The following ZBED6 variants were observed in gnomAD, a reference collection of about 807,000 sequenced individuals.
ZBED6 encodes the protein zinc finger BED-type containing 6, also known as zinc finger BED domain-containing protein 6.
ZBED6 carries 40 observed loss-of-function variants against 58.4 expected under a neutral mutation model. The observed-to-expected ratio is 0.68, with a 90% CI of 0.53 to 0.89. The LOEUF (loss-of-function observed/expected upper bound fraction) is 0.89. ZBED6 is among the 40% of genes least tolerant of loss of function. The pLI is 0.00. For synonymous variants in ZBED6, 439 were observed against 350.6 expected (o/e 1.25, Z -2.82); for missense variants, 1,057 against 1,003.9 (o/e 1.05, Z -0.71).
intron 1 of ZBED6, among the ~76,000 whole-genome samples, chr1:203,804,394 C>T (rs1193900870): frequency 4.0e-5 from 6 of 151,742 alleles, no homozygotes; most frequent in Non-Finnish European, 8.8e-5. Context: ...CCTCGTGATC[C>T]GCCCGCCTCG....
chr1:203,806,130 C>A, intron 1 of ZBED6: 1 of 503,228 alleles, frequency 2.0e-6, no homozygotes. Context: ...TGATCTGGTC[C>A]TTATACTTCA....
chr1:203,830,676 G>T (rs1279847359), intron 7 of ZBED6, among the ~76,000 whole-genome samples: 1 of 152,014 alleles, frequency 6.6e-6, no homozygotes, highest in African/African-American at 2.4e-5. Flanking sequence ...AGGCGGGGTG[G>T]CATGCACCTG....
chr1:203,819,424 G>T (rs1040208705), intron 3 of ZBED6, among the ~76,000 whole-genome samples: 3 of 150,728 alleles, frequency 2.0e-5, no homozygotes, highest in Admixed American at 6.6e-5. Context: ...GTTTTACCAC[G>T]CAGGCCAGGC....
intron 10 of ZBED6, among the ~76,000 whole-genome samples, chr1:203,838,438 A>AC (rs1685044987): frequency 6.6e-6 from 1 of 152,234 alleles, no homozygotes; most frequent in African/African-American, 2.4e-5. Flanking sequence ...CTAAGACATG[A>AC]GTTAGAAATT....
At chr1:203,798,383 A>T (rs1395668809) in exon 1 of ZBED6, 1 of 1,534,926 alleles carries the variant, frequency 6.5e-7, no homozygotes, top group Non-Finnish European at 8.7e-7. Context: ...TGTGTAATAT[A>T]TGTAAAAGAA....
intron 15 of ZBED6, 147 bp from the exon 16 acceptor site, chr1:203,850,910 A>T: frequency 8.4e-7 from 1 of 1,196,660 alleles, no homozygotes; most frequent in Non-Finnish European, 1.2e-6. Context: ...TTGCTTATTT[A>T]TATACTCAAC....
chr1:203,827,987 C>A (rs10494846), intron 3 of ZBED6, among the ~76,000 whole-genome samples: 1 of 152,038 alleles, frequency 6.6e-6, no homozygotes, highest in East Asian at 1.9e-4. Flanking sequence ...AGATTCAGAC[C>A]GTTATCTTTG....
chr1:203,821,949 G>A (rs1429236963), intron 3 of ZBED6, among the ~76,000 whole-genome samples: 1 of 152,016 alleles, frequency 6.6e-6, no homozygotes, highest in Non-Finnish European at 1.5e-5. Flanking sequence ...AGTAGAGATG[G>A]GGTTTCACCG....
chr1:203,822,563 G>A (rs185990523), intron 3 of ZBED6, among the ~76,000 whole-genome samples: 1 of 151,924 alleles, frequency 6.6e-6, no homozygotes, highest in Non-Finnish European at 1.5e-5. Context: ...GGTTCCCTTG[G>A]GAATACCCTG....
At chr1:203,822,770 A>G (rs1169396911) in intron 3 of ZBED6, among the ~76,000 whole-genome samples, 2 of 152,174 alleles carry the variant, frequency 1.3e-5, no homozygotes, top group Non-Finnish European at 2.9e-5. Flanking sequence ...ACCCTATGCC[A>G]GTTCCACATG....
At chr1:203,848,853 T>C (rs1483965909) in intron 13 of ZBED6, among the ~76,000 whole-genome samples, 2 of 152,196 alleles carry the variant, frequency 1.3e-5, no homozygotes, top group African/African-American at 4.8e-5. Flanking sequence ...ACCCTAAAAA[T>C]ATACAGCTCA....
exon 12 of ZBED6, chr1:203,847,592 G>T: frequency 6.2e-7 from 1 of 1,613,710 alleles, no homozygotes; most frequent in Non-Finnish European, 8.5e-7. Context: ...AAGGCACTGA[G>T]GGTGCAGCAG....
intron 3 of ZBED6, among the ~76,000 whole-genome samples, chr1:203,822,004 G>C (rs535907117): frequency 1.3e-5 from 2 of 152,050 alleles, no homozygotes; most frequent in African/African-American, 2.4e-5. Flanking sequence ...TGATCCGCCC[G>C]CCTTGGCCTC....
At chr1:203,831,338 A>G (rs1682296442) in intron 7 of ZBED6, among the ~76,000 whole-genome samples, 1 of 152,118 alleles carries the variant, frequency 6.6e-6, no homozygotes, top group Non-Finnish European at 1.5e-5. Context: ...GGATTGATAC[A>G]CCTGATGGCT....
intron 6 of ZBED6, 81 bp downstream of exon 6, chr1:203,829,977 T>C (rs1681733314): frequency 1.4e-6 from 2 of 1,414,860 alleles, no homozygotes; most frequent in African/African-American, 1.4e-5. Flanking sequence ...TTGACCTCCC[T>C]CTTCTTTTTC....
exon 1 of ZBED6, chr1:203,796,742 A>G (rs751004943): frequency 6.2e-6 from 2 of 323,102 alleles, no homozygotes; most frequent in African/African-American, 2.1e-5. Flanking sequence ...TCTCAAGTCT[A>G]AAAATATCTG....
At chr1:203,796,373 C>T (rs1056313041) in exon 1 of ZBED6, 2 of 398,810 alleles carry the variant, frequency 5.0e-6, no homozygotes, top group Non-Finnish European at 8.8e-6. Context: ...CACCCATTCC[C>T]CACTCTCATT....
chr1:203,822,941 G>T (rs1679261269), intron 3 of ZBED6, among the ~76,000 whole-genome samples: 1 of 152,162 alleles, frequency 6.6e-6, no homozygotes, highest in African/African-American at 2.4e-5. Flanking sequence ...TCATGTGCCT[G>T]GGGTCAGCTA....
At chr1:203,818,822 C>T in intron 3 of ZBED6, 133 bp downstream of exon 3, 1 of 1,391,656 alleles carries the variant, frequency 7.2e-7, no homozygotes, top group Non-Finnish European at 9.7e-7. Flanking sequence ...GTAGTTCCAG[C>T]ACTTTGGGAG....
Sources: allele counts gnomAD v4.1 joint callset (sites outside exome capture counted in the v4.1 genomes callset), GRCh38; gene constraint gnomAD v4.1.1; transcripts MANE v1.5; gene names NCBI Gene and HGNC (gene_info 2026-07-23, HGNC 2026-07-21).